Variants in EPHA3 observed in about 807,000 individuals in gnomAD.
EPHA3 encodes the protein EPH receptor A3.
In EPHA3, 42 loss-of-function variants were observed where a neutral mutation model predicts 107.1. The observed-to-expected ratio is 0.39, with a 90% confidence interval of 0.31 to 0.51. EPHA3 has a LOEUF of 0.51. Among genes scored for constraint, EPHA3 ranks in the 20% least tolerant of loss-of-function variants. The pLI, the probability that EPHA3 is intolerant of heterozygous loss-of-function variation, is 0.78. For synonymous variants in EPHA3, 461 were observed against 424.8 expected (o/e 1.09, Z -1.05); for missense variants, 1,183 against 1,211.2 (o/e 0.98, Z 0.35).
intron 5 of EPHA3, among the ~76,000 whole-genome samples, chr3:89,360,270 A>G (rs1708063827): frequency 6.6e-6 from 1 of 150,940 alleles, no homozygotes; most frequent in Admixed American, 6.7e-5. Flanking sequence ...TATAAATAGA[A>G]AACTAATGTT....
At chr3:89,367,281 C>T (rs1366762670) in intron 5 of EPHA3, among the ~76,000 whole-genome samples, 1 of 150,580 alleles carries the variant, frequency 6.6e-6, no homozygotes, top group Non-Finnish European at 1.5e-5. Flanking sequence ...AACTATTTCC[C>T]TTCTTTACCT....
intron 2 of EPHA3, among the ~76,000 whole-genome samples, chr3:89,162,240 T>C (rs1265949216): frequency 6.6e-6 from 1 of 152,060 alleles, no homozygotes; most frequent in African/African-American, 2.4e-5. Flanking sequence ...TAATTTGGTG[T>C]CCTGGAAATC....
intron 2 of EPHA3, among the ~76,000 whole-genome samples, chr3:89,196,758 G>A (rs1705845662): frequency 3.3e-5 from 5 of 152,044 alleles, no homozygotes; most frequent in Admixed American, 1.3e-4. Context: ...GCCACCTCCT[G>A]ACTGCTAATT....
At chr3:89,393,356 T>C (rs1708782546) in intron 5 of EPHA3, among the ~76,000 whole-genome samples, 1 of 152,202 alleles carries the variant, frequency 6.6e-6, no homozygotes, top group Non-Finnish European at 1.5e-5. Flanking sequence ...GCAGTAAAAT[T>C]TGGACAGACC....
chr3:89,202,528 AAAAAAAATATATATATATAT>A (rs1032093367), intron 2 of EPHA3, among the ~76,000 whole-genome samples: 1 of 34,208 alleles, frequency 2.9e-5, no homozygotes, highest in Non-Finnish European at 1.2e-4. Flanking sequence ...AAAAAAAAAA[AAAAAAAATATATATATATAT>A]ATATATATAT....
intron 9 of EPHA3, among the ~76,000 whole-genome samples, chr3:89,409,628 G>GCATTTCA (rs1309510791): frequency 6.6e-6 from 1 of 151,950 alleles, no homozygotes; most frequent in African/African-American, 2.4e-5. Context: ...AAAGAGAAAT[G>GCATTTCA]CATTTCATCC....
chr3:89,318,896 C>CAT (rs1055430427), intron 3 of EPHA3, among the ~76,000 whole-genome samples: 5 of 151,930 alleles, frequency 3.3e-5, no homozygotes, highest in Admixed American at 6.6e-5. Flanking sequence ...AACACACACA[C>CAT]ATCCTTCCCC....
intron 5 of EPHA3, among the ~76,000 whole-genome samples, chr3:89,388,501 G>A (rs1253919570): frequency 6.6e-6 from 1 of 152,160 alleles, no homozygotes; most frequent in Non-Finnish European, 1.5e-5. Context: ...GGATTTTGGA[G>A]ACTAATGAGT....
At chr3:89,302,628 T>C (rs1405061095) in intron 3 of EPHA3, among the ~76,000 whole-genome samples, 3 of 152,126 alleles carry the variant, frequency 2.0e-5, no homozygotes, top group Non-Finnish European at 4.4e-5. Flanking sequence ...CTTATTTTTC[T>C]AATACCCTTC....
intron 3 of EPHA3, among the ~76,000 whole-genome samples, chr3:89,309,224 A>G (rs746758469): frequency 6.6e-6 from 1 of 152,160 alleles, no homozygotes; most frequent in African/African-American, 2.4e-5. Flanking sequence ...ATAAGAAAGT[A>G]GAAAGAGAAA....
intron 5 of EPHA3, among the ~76,000 whole-genome samples, chr3:89,361,523 G>T (rs73846155): frequency 1.3e-5 from 2 of 150,950 alleles, no homozygotes; most frequent in East Asian, 3.9e-4. Flanking sequence ...GAACATACTT[G>T]CATTCTGAAT....
chr3:89,447,814 G>T (rs1709905750), intron 13 of EPHA3, among the ~76,000 whole-genome samples: 1 of 152,052 alleles, frequency 6.6e-6, no homozygotes, highest in Non-Finnish European at 1.5e-5. Context: ...AACAGATGAG[G>T]ACAGTCCTGC....
Position 89,209,846 on chromosome 3 carries a change from C to G in EPHA3, c.154-14C>G, listed in dbSNP as rs1706224564. On this transcript the variant is annotated splice_polypyrimidine_tract_variant and intron_variant, in intron 2 of 16. Transcript: ENST00000336596. ...TAATTCTGCCTCACTCTCTGTTTCT[C>G]TTTGATTCTTCAGTGGGAAGAGATC... is the stretch of plus-strand genomic sequence containing the variant. 6.4e-7 allele frequency: 1 copy of G among 1,568,622 alleles called. No individual in the cohort carries two copies. The highest frequency in any genetic ancestry group is 8.6e-7 in the Non-Finnish European group (1 of 1,157,436).
At chr3:89,184,124 TA>T (rs1705506219) in intron 2 of EPHA3, among the ~76,000 whole-genome samples, 1 of 152,020 alleles carries the variant, frequency 6.6e-6, no homozygotes, top group African/African-American at 2.4e-5. Flanking sequence ...CAAATAGTTA[TA>T]GAGATCACTG....
At chr3:89,372,257 C>T (rs2107472819) in intron 5 of EPHA3, among the ~76,000 whole-genome samples, 1 of 151,692 alleles carries the variant, frequency 6.6e-6, no homozygotes, top group South Asian at 2.1e-4. Context: ...CAACTCATAG[C>T]TTCACTAGTC....
chr3:89,159,325 A>C (rs762033481), intron 2 of EPHA3, among the ~76,000 whole-genome samples: 7 of 152,140 alleles, frequency 4.6e-5, no homozygotes, highest in Non-Finnish European at 8.8e-5. Flanking sequence ...ATTTAGTCAG[A>C]AAATAAATTT....
At chr3:89,162,244 G>A (rs115993163) in intron 2 of EPHA3, among the ~76,000 whole-genome samples, 518 of 152,114 alleles carry the variant, frequency 3.4e-3, no homozygotes, top group African/African-American at 0.012. Flanking sequence ...TTGGTGTCCT[G>A]GAAATCATGC....
chr3:89,195,839 T>C (rs1393508290), intron 2 of EPHA3, among the ~76,000 whole-genome samples: 1 of 152,184 alleles, frequency 6.6e-6, no homozygotes, highest in Non-Finnish European at 1.5e-5. Context: ...TAAATCTAAT[T>C]GTTGCTTAAA....
chr3:89,377,032 G>A (rs546291026), intron 5 of EPHA3, among the ~76,000 whole-genome samples: 1 of 152,022 alleles, frequency 6.6e-6, no homozygotes, highest in African/African-American at 2.4e-5. Flanking sequence ...GTAGTTTTTG[G>A]AGTTGCTTCC....
Sources: gnomAD v4.1 joint callset for allele counts (sites outside exome capture counted in the v4.1 genomes callset) on GRCh38, gnomAD v4.1.1 for gene constraint, MANE v1.5 for transcripts, NCBI Gene and HGNC (gene_info 2026-07-23, HGNC 2026-07-21) for gene names.